COL13A1: variants seen among roughly 807,000 people sequenced by gnomAD.
COL13A1 encodes the protein collagen type XIII alpha 1 chain.
In COL13A1, 89 loss-of-function variants were observed where a neutral mutation model predicts 130.9. That is an observed-to-expected ratio of 0.68 (90% CI 0.57 to 0.81). The LOEUF (loss-of-function observed/expected upper bound fraction) is 0.81. Among genes scored for constraint, COL13A1 ranks in the 30% least tolerant of loss-of-function variants. COL13A1 has a pLI of 0.00. For synonymous variants in COL13A1, 402 were observed against 341.6 expected, an observed-to-expected ratio of 1.18 and a Z score of -1.95; for missense variants, 879 against 934.6, an observed-to-expected ratio of 0.94 and a Z score of 0.78.
intron 2 of COL13A1, among the ~76,000 whole-genome samples, chr10:69,854,022 G>A (rs1471803252): frequency 1.3e-5 from 2 of 152,172 alleles, no homozygotes; most frequent in African/African-American, 4.8e-5. Flanking sequence ...TTAAAGCAAA[G>A]CCAAATGTAA....
At chr10:69,814,302 G>C (rs901143182) in intron 1 of COL13A1, among the ~76,000 whole-genome samples, 5 of 152,212 alleles carry the variant, frequency 3.3e-5, no homozygotes, top group African/African-American at 1.2e-4. Context: ...CTTTCCAGAA[G>C]AGGGGCTCTG....
chr10:69,894,930 T>A (rs2061501135), intron 12 of COL13A1, among the ~76,000 whole-genome samples: 1 of 151,928 alleles, frequency 6.6e-6, no homozygotes, highest in Non-Finnish European at 1.5e-5. Context: ...TTTCCAGGGG[T>A]CCTCCTGGAG....
intron 2 of COL13A1, among the ~76,000 whole-genome samples, chr10:69,844,614 C>A (rs1852506074): frequency 6.6e-6 from 1 of 152,096 alleles, no homozygotes; most frequent in Admixed American, 6.5e-5. Context: ...CAAAGTGACC[C>A]TAGAGAAGGG....
At position 69,811,133 on chromosome 10, in the gene COL13A1, C is replaced by T. The variant is rs930163024; in HGVS notation, c.294+8416C>T. On this transcript the variant is annotated intron_variant, in intron 1 of 40. Transcript: ENST00000645393. ...ACTCCCACCCCAGCCTTGCCTGCCT[C>T]CTCAAGTCTGGGTCATTCTCCTTTG... Among the ~76,000 whole-genome samples, 7 of 152,242 alleles carry T rather than the reference C, an allele frequency of 4.6e-5. No homozygotes were observed. In the South Asian group the frequency reaches 1.2e-3, roughly 27 times the overall value.
chr10:69,887,631 C>T, intron 8 of COL13A1, 140 bp downstream of exon 8: 1 of 835,392 alleles, frequency 1.2e-6, no homozygotes, highest in Non-Finnish European at 1.9e-6. Context: ...TACAGCCATT[C>T]ATGGACACCA....
chr10:69,817,738 C>T (rs769591490), intron 1 of COL13A1, among the ~76,000 whole-genome samples: 4 of 151,656 alleles, frequency 2.6e-5, no homozygotes, highest in Non-Finnish European at 5.9e-5. Flanking sequence ...GAGCCGGGCA[C>T]GGAGGGAAGT....
chr10:69,933,946 C>T (rs888136937), intron 31 of COL13A1, among the ~76,000 whole-genome samples: 1 of 151,804 alleles, frequency 6.6e-6, no homozygotes, highest in African/African-American at 2.4e-5. Context: ...TGGTGGCGAA[C>T]ATATAAAAAA....
At chr10:69,894,605 A>C in intron 11 of COL13A1, 27 bp downstream of exon 11, 1 of 1,613,926 alleles carries the variant, frequency 6.2e-7, no homozygotes. Context: ...TCTATTTCCC[A>C]GCAGAGAAGC....
At chr10:69,938,342 C>T (rs185425224) in intron 34 of COL13A1, among the ~76,000 whole-genome samples, 355 of 152,300 alleles carry the variant, frequency 2.3e-3, no homozygotes, top group African/African-American at 7.9e-3. Context: ...GGCCTCTTCA[C>T]TGCCTCACCT....
intron 5 of COL13A1, among the ~76,000 whole-genome samples, chr10:69,876,355 C>A (rs2059568912): frequency 6.6e-6 from 1 of 152,226 alleles, no homozygotes; most frequent in Non-Finnish European, 1.5e-5. Flanking sequence ...CACCCACCCC[C>A]ACTGGCCTTG....
chr10:69,908,133 AG>A (rs1216841509), intron 17 of COL13A1, among the ~76,000 whole-genome samples: 1 of 152,136 alleles, frequency 6.6e-6, no homozygotes, highest in Non-Finnish European at 1.5e-5. Context: ...GCCTTCCAGG[AG>A]GAGAAAAGAG....
At chr10:69,936,854 C>T (rs2066992999) in intron 33 of COL13A1, 72 bp downstream of exon 33, 4 of 1,589,952 alleles carry the variant, frequency 2.5e-6, no homozygotes, top group Non-Finnish European at 3.4e-6. Flanking sequence ...CTGAGACCAG[C>T]TGACCCTTTT....
chr10:69,889,468 G>C (rs758302728), intron 10 of COL13A1, 28 bp downstream of exon 10: 3 of 1,608,016 alleles, frequency 1.9e-6, no homozygotes, highest in Non-Finnish European at 2.5e-6. Flanking sequence ...CTGCCTTCCC[G>C]AGATGGGTGG....
At chr10:69,838,011 G>T (rs2133150002) in intron 2 of COL13A1, among the ~76,000 whole-genome samples, 1 of 152,304 alleles carries the variant, frequency 6.6e-6, no homozygotes, top group Middle Eastern at 3.4e-3. Context: ...GGCCATCCTG[G>T]TCTTGTCACC....
chr10:69,907,873 G>A lies in COL13A1; in HGVS notation c.921+2051G>A, dbSNP rs549459220. Among the ~76,000 whole-genome samples the A allele has an allele frequency of 2.6e-4, 39 of 152,366 alleles. No homozygotes were observed. In the South Asian group the frequency reaches 6.2e-3, roughly 24 times the overall value. On this transcript the variant is annotated intron_variant, in intron 17 of 40. Coordinates refer to ENST00000645393, the MANE Select transcript of COL13A1 (RefSeq NM_001368882.1). ...GACAGCAACATTAATTTATTCATGAGGGCAGAGCTATCATAATCTAATCAC... is the reference window on the plus strand; with the variant it reads ...GACAGCAACATTAATTTATTCATGAAGGCAGAGCTATCATAATCTAATCAC...
chr10:69,894,335 A>G (rs1016299854), intron 10 of COL13A1, among the ~76,000 whole-genome samples: 2 of 152,242 alleles, frequency 1.3e-5, no homozygotes, highest in Admixed American at 1.3e-4. Context: ...GAAAGATGCC[A>G]TCTGTTCTTC....
chr10:69,811,224 C>T (rs1000260494), intron 1 of COL13A1, among the ~76,000 whole-genome samples: 4 of 152,204 alleles, frequency 2.6e-5, no homozygotes, highest in Non-Finnish European at 4.4e-5. Context: ...CCCCTCCCTT[C>T]AGGCGCTTCG....
Position 69,958,858 on chromosome 10 carries a change from C to T in COL13A1, c.*157C>T. The T allele has an allele frequency of 1.0e-6, 1 of 1,000,384 alleles. No homozygotes were observed. The highest frequency in any genetic ancestry group is 1.4e-6 in the Non-Finnish European group (1 of 699,142). 62.0% of individuals were successfully genotyped at this position (1,000,384 alleles called of 1,614,324 possible). On this transcript the variant is annotated 3_prime_UTR_variant, in exon 41 of 41. Coordinates refer to ENST00000645393, the MANE Select transcript of COL13A1 (RefSeq NM_001368882.1). ...CATATTTTGTACAGAAAATATCAAC[C>T]TCTTCCCTTTTGTTTACAAGATGTT...
At chr10:69,926,629 AT>A (rs2065395032) in intron 26 of COL13A1, among the ~76,000 whole-genome samples, 1 of 152,122 alleles carries the variant, frequency 6.6e-6, no homozygotes, top group Non-Finnish European at 1.5e-5. Context: ...TCCCTGATCT[AT>A]TTTTTGAGTG....
Sources: gnomAD v4.1 joint callset for allele counts (sites outside exome capture counted in the v4.1 genomes callset) on GRCh38, gnomAD v4.1.1 for gene constraint, MANE v1.5 for transcripts, NCBI Gene and HGNC (gene_info 2026-07-23, HGNC 2026-07-21) for gene names.